The following MCPH1 variants were observed in gnomAD, a reference collection of about 807,000 sequenced individuals.
The protein encoded by MCPH1 is microcephalin 1, also known as microcephalin.
Under a neutral mutation model 84.5 loss-of-function variants are expected in MCPH1, and 104 were observed. The observed-to-expected ratio is 1.23, with a 90% CI of 1.05 to 1.45. MCPH1 has a LOEUF of 1.45. MCPH1 is among the 40% of genes most tolerant of loss of function. The pLI is 0.00. For synonymous variants in MCPH1, 514 were observed against 366.8 expected, an observed-to-expected ratio of 1.40 and a Z score of -4.58; for missense variants, 1,498 against 1,005.7, an observed-to-expected ratio of 1.49 and a Z score of -6.62.
At chr8:6,440,258 A>G (rs1313636475) in intron 6 of MCPH1, among the ~76,000 whole-genome samples, 1 of 151,506 alleles carries the variant, frequency 6.6e-6, no homozygotes, top group Non-Finnish European at 1.5e-5. Context: ...TTGTTAAGCC[A>G]TTTTCCTTTC....
At chr8:6,637,298 T>C (rs1451030439) in intron 13 of MCPH1, among the ~76,000 whole-genome samples, 2 of 151,982 alleles carry the variant, frequency 1.3e-5, no homozygotes, top group Non-Finnish European at 2.9e-5. Context: ...AGGGTGAGTA[T>C]AGAGAGGAGG....
intron 12 of MCPH1, among the ~76,000 whole-genome samples, chr8:6,562,117 T>C (rs1241399051): frequency 6.6e-6 from 1 of 152,218 alleles, no homozygotes; most frequent in East Asian, 1.9e-4. Flanking sequence ...TAATTTCCTC[T>C]CGTTTACCAA....
intron 12 of MCPH1, among the ~76,000 whole-genome samples, chr8:6,505,017 T>G (rs1413899072): frequency 6.6e-6 from 1 of 151,596 alleles, no homozygotes; most frequent in Admixed American, 6.6e-5. Context: ...ATTTTTAAAA[T>G]AGAGAAAATA....
rs75204744 is a variant in MCPH1 at position 6,621,571 on chromosome 8, C to T, written c.2332C>T (p.Leu778=). ...SSPPVAKLCE[L]VHLCGGRVSQ... is the part of the protein sequence containing the mutation. Reference sequence around the variant, plus strand: ...CCCCCCAGTGGCCAAGCTCTGTGAACTAGTCCACCTGTGCGGAGGCCGGGT... The same window carrying T: ...CCCCCCAGTGGCCAAGCTCTGTGAATTAGTCCACCTGTGCGGAGGCCGGGT... The change falls in exon 13 of 14, where the codon CTA becomes TTA. Residue 778 remains leucine, a synonymous_variant. Transcript: ENST00000344683. 6 of 1,614,246 alleles carry T rather than the reference C, an allele frequency of 3.7e-6. No individual in the cohort carries two copies. Among genetic ancestry groups the T allele is most frequent in the Non-Finnish European group, 5.1e-6 (6 of 1,180,042 alleles).
In MCPH1 at chr8:6,590,109, G is replaced by A. The variant is rs867975204; in HGVS notation, c.2215-31345G>A. On this transcript the variant is annotated intron_variant, in intron 12 of 13. Coordinates refer to ENST00000344683, the MANE Select transcript of MCPH1 (RefSeq NM_024596.5). ...GGGGGAGTGAGGAACATTTGGTGCC[G>A]GAAGAATGATTAGGTAAAGCACACC... Among the ~76,000 whole-genome samples the A allele has an allele frequency of 6.6e-5, 10 of 151,904 alleles. No homozygotes were observed. The South Asian group carries it at 8.3e-4, about 13-fold the overall frequency.
At chr8:6,626,782 A>C (rs746087426) in intron 13 of MCPH1, 31 of 985,180 alleles carry the variant, frequency 3.1e-5, no homozygotes, top group Non-Finnish European at 3.7e-5. Flanking sequence ...CGCGGTCCTC[A>C]AGGGTCTGCG....
Position 6,644,748 on chromosome 8 carries a change from C to T in MCPH1, c.*1699C>T, listed in dbSNP as rs1297451691. 1 of 152,188 alleles carries T rather than the reference C, an allele frequency of 6.6e-6. No homozygotes were observed. Among genetic ancestry groups the T allele is most frequent in the Admixed American group, 6.5e-5 (1 of 15,282 alleles). The allele number at this position is 152,188 out of a possible 1,614,324, so 9.4% of individuals were successfully genotyped here. ...CCCGCTCTGGGTTATTTATCTGTTG[C>T]TCATCTCAGCTGTTGTTCCTACCTC... On this transcript the variant is annotated 3_prime_UTR_variant, in exon 14 of 14. Coordinates refer to ENST00000344683, the MANE Select transcript of MCPH1 (RefSeq NM_024596.5).
At chr8:6,541,335 C>T (rs1351270030) in intron 12 of MCPH1, among the ~76,000 whole-genome samples, 1 of 152,166 alleles carries the variant, frequency 6.6e-6, no homozygotes. Context: ...TGGCTAAAGA[C>T]AGGCTAGTGG....
chr8:6,411,441 G>T (rs531793173), intron 2 of MCPH1, among the ~76,000 whole-genome samples: 1 of 152,322 alleles, frequency 6.6e-6, no homozygotes, highest in Admixed American at 6.5e-5. Flanking sequence ...GCCGTAAAGT[G>T]CAAGAGTGAT....
chr8:6,556,271 T>C (rs1563121395), intron 12 of MCPH1, among the ~76,000 whole-genome samples: 1 of 152,244 alleles, frequency 6.6e-6, no homozygotes, highest in Non-Finnish European at 1.5e-5. Context: ...AGAATGTTTA[T>C]TTCAGAATCA....
chr8:6,532,075 G>A (rs545694610), intron 12 of MCPH1, among the ~76,000 whole-genome samples: 26 of 152,276 alleles, frequency 1.7e-4, no homozygotes, highest in Admixed American at 7.2e-4. Flanking sequence ...GTTGGGATGC[G>A]TGGCATGAAA....
intron 12 of MCPH1, among the ~76,000 whole-genome samples, chr8:6,617,752 C>A (rs924663096): frequency 6.6e-6 from 1 of 152,096 alleles, no homozygotes; most frequent in East Asian, 1.9e-4. Flanking sequence ...TCACAGTTCA[C>A]TGCAGCCTCA....
intron 3 of MCPH1, among the ~76,000 whole-genome samples, chr8:6,418,240 G>A (rs537736605): frequency 3.3e-5 from 5 of 152,114 alleles, no homozygotes; most frequent in South Asian, 2.1e-4. Flanking sequence ...TGCTTGCTGC[G>A]CCACACCAGC....
chr8:6,627,765 C>A (rs1413111187), intron 13 of MCPH1, among the ~76,000 whole-genome samples: 2 of 152,036 alleles, frequency 1.3e-5, no homozygotes, highest in Non-Finnish European at 2.9e-5. Context: ...GTGGTGCAAG[C>A]CTATAGTTCC....
At chr8:6,593,057 G>A (rs1828635440) in intron 12 of MCPH1, among the ~76,000 whole-genome samples, 2 of 149,162 alleles carry the variant, frequency 1.3e-5, no homozygotes, top group Non-Finnish European at 3.0e-5. Context: ...GCCGCAGTTT[G>A]GACACTATGT....
At chr8:6,505,321 T>TA (rs576752803) in intron 12 of MCPH1, among the ~76,000 whole-genome samples, 1 of 67,668 alleles carries the variant, frequency 1.5e-5, no homozygotes, top group African/African-American at 7.3e-5. Flanking sequence ...CATATATATG[T>TA]TATATACATA....
At chr8:6,429,746 C>T (rs1231735428) in intron 3 of MCPH1, among the ~76,000 whole-genome samples, 2 of 151,914 alleles carry the variant, frequency 1.3e-5, no homozygotes, top group African/African-American at 4.8e-5. Flanking sequence ...TCCCCCTCCC[C>T]ATCTTAGTCC....
chr8:6,616,924 C>G (rs1228600202), intron 12 of MCPH1: 1 of 152,152 alleles, frequency 6.6e-6, no homozygotes, highest in African/African-American at 2.4e-5. Flanking sequence ...CTGTAAAACT[C>G]CATTTGAGGC....
intron 12 of MCPH1, among the ~76,000 whole-genome samples, chr8:6,552,645 G>C (rs1183961949): frequency 1.3e-5 from 2 of 152,154 alleles, no homozygotes; most frequent in African/African-American, 4.8e-5. Context: ...GCATCTTACA[G>C]TTTCCAACAC....
Sources: allele counts gnomAD v4.1 joint callset (sites outside exome capture counted in the v4.1 genomes callset), GRCh38; gene constraint gnomAD v4.1.1; transcripts MANE v1.5; gene names NCBI Gene and HGNC (gene_info 2026-07-23, HGNC 2026-07-21).